TMEM44: variants seen among roughly 807,000 people sequenced by gnomAD.
TMEM44 encodes the protein transmembrane protein 44.
TMEM44 carries 43 observed loss-of-function variants against 47.8 expected under a neutral mutation model. That is an observed-to-expected ratio of 0.90 (90% CI 0.70 to 1.16). The LOEUF (loss-of-function observed/expected upper bound fraction) is 1.16. Among genes scored for constraint, TMEM44 ranks in the 50% most tolerant of loss-of-function variants. TMEM44 has a pLI of 0.00. For synonymous variants in TMEM44, 277 were observed against 238.8 expected, an observed-to-expected ratio of 1.16 and a Z score of -1.48; for missense variants, 568 against 555.2, an observed-to-expected ratio of 1.02 and a Z score of -0.23.
At chr3:194,612,050 AAATAAAT>A (rs1423487889) in intron 7 of TMEM44, among the ~76,000 whole-genome samples, 1 of 140,890 alleles carries the variant, frequency 7.1e-6, no homozygotes, top group African/African-American at 2.6e-5. Context: ...ATAAATAAAT[AAATAAAT>A]AAAATACAGA....
At position 194,623,589 on chromosome 3, in the gene TMEM44, G is replaced by C; in HGVS notation, c.465C>G (p.Val155=). 6.2e-7 allele frequency: 1 copy of C among 1,611,576 alleles called. No homozygotes were observed. The highest frequency in any genetic ancestry group is 8.5e-7 in the Non-Finnish European group (1 of 1,179,570). The change falls in exon 4 of 10, where the codon GTC becomes GTG. Residue 155 remains valine (V), a synonymous_variant. Coordinates refer to ENST00000347147, the MANE Select transcript of TMEM44 (RefSeq NM_001011655.3). The stretch of plus-strand genomic sequence containing the variant: ...CCCGGATGGTGGCTGAAGCCTTCGG[G>C]ACAGCAACCCACAGAGCCCAGCACG... ...LGPCWALWVA[V]PKASATIRGP... is the part of the protein sequence containing the mutation.
chr3:194,610,581 A>T (rs535812173), intron 8 of TMEM44, among the ~76,000 whole-genome samples: 1 of 152,152 alleles, frequency 6.6e-6, no homozygotes, highest in Admixed American at 6.5e-5. Context: ...CTCCCACCCC[A>T]GAACCCCAAA....
intron 9 of TMEM44, among the ~76,000 whole-genome samples, chr3:194,598,872 G>A (rs1053776578): frequency 6.6e-6 from 1 of 151,894 alleles, no homozygotes; most frequent in Non-Finnish European, 1.5e-5. Flanking sequence ...AAGACACAGA[G>A]TGGCTCCCAG....
chr3:194,620,575 C>T (rs76024795), intron 5 of TMEM44, among the ~76,000 whole-genome samples: 3,800 of 152,232 alleles, frequency 0.025, 165 homozygotes, highest in African/African-American at 0.087. Flanking sequence ...ACCTCAGGAC[C>T]GGGCAGCAAC....
At chr3:194,629,193 C>A (rs1337286499) in intron 1 of TMEM44, among the ~76,000 whole-genome samples, 3 of 151,732 alleles carry the variant, frequency 2.0e-5, no homozygotes, top group Non-Finnish European at 2.9e-5. Context: ...CCAACCACTG[C>A]AGATAACTGC....
chr3:194,600,641 C>T (rs1412608022), intron 9 of TMEM44, among the ~76,000 whole-genome samples: 1 of 152,040 alleles, frequency 6.6e-6, no homozygotes, highest in Non-Finnish European at 1.5e-5. Flanking sequence ...GTCCCAGATA[C>T]TCAGGAGGCT....
At chr3:194,598,895 C>T (rs1009580985) in intron 9 of TMEM44, among the ~76,000 whole-genome samples, 42 of 152,102 alleles carry the variant, frequency 2.8e-4, no homozygotes, top group African/African-American at 9.7e-5. Context: ...CCACAGGCCC[C>T]GACAGTGGGA....
chr3:194,608,597 G>A (rs1714999251), intron 8 of TMEM44, among the ~76,000 whole-genome samples: 1 of 152,234 alleles, frequency 6.6e-6, no homozygotes, highest in African/African-American at 2.4e-5. Context: ...GAGCTCTGGA[G>A]AAGCAGACAT....
intron 8 of TMEM44, among the ~76,000 whole-genome samples, chr3:194,606,023 G>A (rs146961330): frequency 1.3e-5 from 2 of 152,302 alleles, no homozygotes; most frequent in Non-Finnish European, 2.9e-5. Context: ...CTTCCCAGCT[G>A]GGAAGGATGC....
chr3:194,613,850 C>T (rs1256336025), intron 7 of TMEM44, among the ~76,000 whole-genome samples: 4 of 151,226 alleles, frequency 2.6e-5, no homozygotes, highest in South Asian at 4.3e-4. Context: ...AGGCCGGGCC[C>T]GGTGGCTCAC....
chr3:194,598,075 G>T (rs1051365278), intron 9 of TMEM44, among the ~76,000 whole-genome samples: 1 of 152,228 alleles, frequency 6.6e-6, no homozygotes, highest in African/African-American at 2.4e-5. Context: ...CACAGTCTCC[G>T]TGGAGTATGC....
intron 9 of TMEM44, among the ~76,000 whole-genome samples, chr3:194,598,746 A>T (rs1021054855): frequency 5.9e-5 from 9 of 152,264 alleles, no homozygotes; most frequent in African/African-American, 1.9e-4. Context: ...TACCGCAAGA[A>T]GTATTCAAAA....
At chr3:194,617,789 G>C in intron 5 of TMEM44, 1 of 702,176 alleles carries the variant, frequency 1.4e-6, no homozygotes, top group East Asian at 2.7e-5. Context: ...GGTGGGAGGT[G>C]GTTGGGTCAT....
chr3:194,589,509 T>C (rs1267576333), intron 9 of TMEM44: 1 of 152,064 alleles, frequency 6.6e-6, no homozygotes, highest in Admixed American at 6.6e-5. Flanking sequence ...GAGCAAACGT[T>C]CGCTCCTGCT....
At chr3:194,613,835 A>G (rs9942055) in intron 7 of TMEM44, among the ~76,000 whole-genome samples, 57,370 of 151,082 alleles carry the variant, frequency 0.38, 11,696 homozygotes, top group East Asian at 0.79. Flanking sequence ...ATAAAAAAAC[A>G]GAATAGGCCG....
At chr3:194,597,682 A>T (rs1713592979) in intron 9 of TMEM44, among the ~76,000 whole-genome samples, 1 of 152,006 alleles carries the variant, frequency 6.6e-6, no homozygotes, top group Non-Finnish European at 1.5e-5. Flanking sequence ...AGAAAAAAAA[A>T]TAAATTCAAC....
At position 194,623,504 on chromosome 3, in the gene TMEM44, C is replaced by A. The variant is rs1414292232; in HGVS notation, c.525+25G>T. On this transcript the variant is annotated intron_variant, in intron 4 of 9. Transcript: ENST00000347147. ...TGGCAGGACATGCAGTACCCCGAGT[C>A]CTCCCCACGGTGGCCCAGCCTCACC... 7 of 1,562,542 alleles carry A rather than the reference C, an allele frequency of 4.5e-6. No individual in the cohort carries two copies. The East Asian group carries it at 1.4e-4, about 31-fold the overall frequency.
chr3:194,612,187 C>A (rs1248618025), intron 7 of TMEM44, among the ~76,000 whole-genome samples: 1 of 152,294 alleles, frequency 6.6e-6, no homozygotes, highest in African/African-American at 2.4e-5. Context: ...AACCACTGCT[C>A]TGAAGAACTG....
At chr3:194,614,589 T>A (rs944638945) in intron 7 of TMEM44, among the ~76,000 whole-genome samples, 2 of 152,026 alleles carry the variant, frequency 1.3e-5, no homozygotes, top group Admixed American at 1.3e-4. Context: ...GTATTTTTGG[T>A]AGAGACGGGG....
Sources: allele counts gnomAD v4.1 joint callset (sites outside exome capture counted in the v4.1 genomes callset), GRCh38; gene constraint gnomAD v4.1.1; transcripts MANE v1.5; gene names NCBI Gene and HGNC (gene_info 2026-07-23, HGNC 2026-07-21).